Variants in LAMB1 observed in about 807,000 individuals in gnomAD.
The protein encoded by LAMB1 is laminin subunit beta-1.
LAMB1 carries 121 observed loss-of-function variants against 222.3 expected under a neutral mutation model. The ratio of observed to expected loss-of-function variants is 0.54; its 90% confidence interval spans 0.47 to 0.63. The LOEUF (loss-of-function observed/expected upper bound fraction) is 0.63. LAMB1 is among the 30% of genes least tolerant of loss of function. The probability of loss-of-function intolerance (pLI) is 0.00; values close to 1 mark genes in which losing one functional copy is unlikely to be tolerated. For synonymous variants in LAMB1, 794 were observed against 807.2 expected (o/e 0.98, Z 0.28); for missense variants, 2,172 against 2,240.8 (o/e 0.97, Z 0.62).
At chr7:107,935,795 C>T in intron 26 of LAMB1, 139 bp from the exon 27 acceptor site, 2 of 958,278 alleles carry the variant, frequency 2.1e-6, no homozygotes, top group Non-Finnish European at 3.1e-6. Flanking sequence ...TTATGAAGTA[C>T]AGTTTTCATG....
chr7:107,970,686 C>T (rs1368333417), intron 13 of LAMB1, among the ~76,000 whole-genome samples: 4 of 152,026 alleles, frequency 2.6e-5, no homozygotes, highest in African/African-American at 9.7e-5. Flanking sequence ...GGCAAAACTT[C>T]ATTAACTTGG....
intron 22 of LAMB1, 54 bp downstream of exon 22, chr7:107,953,476 G>T: frequency 7.8e-7 from 1 of 1,274,492 alleles, no homozygotes; most frequent in South Asian, 1.2e-5. Context: ...TGCTGATAAT[G>T]AAAAAAAGGT....
chr7:107,989,280 T>C (rs1013647698), intron 5 of LAMB1, among the ~76,000 whole-genome samples: 5 of 152,130 alleles, frequency 3.3e-5, no homozygotes, highest in East Asian at 1.9e-4. Flanking sequence ...TTTTGGGGAA[T>C]TGGAAGTCAG....
rs202092071 is a variant in LAMB1, at chr7:107,994,936, A to T, written c.374T>A (p.Leu125Gln). The change falls in exon 5 of 34, where the codon CTG becomes CAG. Residue 125 changes from leucine (L) to glutamine (Q), a missense_variant. Transcript: ENST00000222399. Reference protein sequence around the residue: ...ENGVENVTIQLDLEAEFHFTH... With the variant: ...ENGVENVTIQQDLEAEFHFTH... ...AAAATGGAATTCTGCTTCCAAATCC[A>T]GTTGGATAGTTACATTTTCCACACC... 1.2e-5 allele frequency: 20 copies of T among 1,600,328 alleles called. No individual in the cohort carries two copies. The highest frequency in any genetic ancestry group is 1.5e-5 in the Non-Finnish European group (18 of 1,168,158).
chr7:107,935,741 G>A, intron 26 of LAMB1, 85 bp from the exon 27 acceptor site: 1 of 1,423,050 alleles, frequency 7.0e-7, no homozygotes, highest in Non-Finnish European at 9.5e-7. Context: ...GGTGTCTTCG[G>A]GTCCTAAATT....
At chr7:107,946,552 T>C (rs1211463518) in intron 24 of LAMB1, among the ~76,000 whole-genome samples, 2 of 152,266 alleles carry the variant, frequency 1.3e-5, no homozygotes, top group African/African-American at 4.8e-5. Flanking sequence ...AAAACTTATA[T>C]TAGCTACTAT....
At position 107,935,536 on chromosome 7, in the gene LAMB1, A is replaced by ACTCT; in HGVS notation, c.4063_4066dup (p.Val1356GlufsTer25). On this transcript the variant is annotated frameshift_variant, in exon 27 of 34. Coordinates refer to ENST00000222399, the MANE Select transcript of LAMB1 (RefSeq NM_002291.3). LOFTEE classifies it high-confidence loss of function. ...TTCTCGCTCCATCATCACGTCTTCT[A>ACTCT]CTCTGTCTCTCATGAGGGCTGACTG... The ACTCT allele has an allele frequency of 1.9e-6, 3 of 1,613,174 alleles. No homozygotes were observed. The highest frequency in any genetic ancestry group is 2.5e-6 in the Non-Finnish European group (3 of 1,179,838).
At chr7:107,993,369 A>C (rs994325462) in intron 5 of LAMB1, among the ~76,000 whole-genome samples, 2 of 152,072 alleles carry the variant, frequency 1.3e-5, no homozygotes, top group African/African-American at 4.8e-5. Flanking sequence ...CCTGACCTCA[A>C]GTGATCTGCC....
rs2033262148 is a variant in LAMB1, at chr7:107,952,024, C to A, written c.3279G>T (p.Gly1093=). The A allele has an allele frequency of 6.2e-6, 10 of 1,611,182 alleles. No homozygotes were observed. Among genetic ancestry groups the A allele is most frequent in the Non-Finnish European group, 8.5e-6 (10 of 1,178,306 alleles). Residue 1093 remains glycine, a synonymous_variant, in exon 23 of 34, where the codon GGG becomes GGT. Transcript: ENST00000222399. ...AGCCCCTCACCTCATTGCAAGATGGCCCGAAGGAATGAGCAGCATTGCAGT... is the reference window on the plus strand; with the variant it reads ...AGCCCCTCACCTCATTGCAAGATGGACCGAAGGAATGAGCAGCATTGCAGT... ...PCNCNAAHSF[G]PSCNEFTGQC...
At chr7:107,930,311 G>A (rs1410109265) in intron 29 of LAMB1, among the ~76,000 whole-genome samples, 1 of 152,192 alleles carries the variant, frequency 6.6e-6, no homozygotes, top group African/African-American at 2.4e-5. Flanking sequence ...CTTTGCTTAT[G>A]TTTTAAACTA....
intron 10 of LAMB1, 46 bp from the exon 11 acceptor site, chr7:107,975,459 A>T: frequency 3.9e-6 from 6 of 1,528,254 alleles, no homozygotes; most frequent in Non-Finnish European, 4.4e-6. Context: ...AGGAAACTCA[A>T]TGTATCTTTG....
At chr7:108,003,059 G>A (rs2034422165) in intron 1 of LAMB1, 52 bp downstream of exon 1, 4 of 1,404,054 alleles carry the variant, frequency 2.8e-6, no homozygotes, top group Middle Eastern at 2.6e-4. Flanking sequence ...CACGGAAGCG[G>A]GGGGTGGGCT....
intron 31 of LAMB1, among the ~76,000 whole-genome samples, chr7:107,927,858 G>A (rs2032601347): frequency 6.6e-6 from 1 of 152,116 alleles, no homozygotes; most frequent in African/African-American, 2.4e-5. Context: ...TAGAATAGGG[G>A]AACACAGGTT....
chr7:107,963,104 G>A, intron 14 of LAMB1, 41 bp from the exon 15 acceptor site: 1 of 1,503,278 alleles, frequency 6.7e-7, no homozygotes, highest in Non-Finnish European at 9.0e-7. Context: ...TATTTGAAAT[G>A]GAATTCAATA....
chr7:107,970,505 A>AAAAGG (rs386418403), intron 13 of LAMB1, among the ~76,000 whole-genome samples: 1 of 108,792 alleles, frequency 9.2e-6, no homozygotes, highest in African/African-American at 3.8e-5. Flanking sequence ...AAAAAAAAAA[A>AAAAGG]GGGGGGGGTG....
chr7:107,986,625 A>G (rs1227901321), intron 5 of LAMB1, among the ~76,000 whole-genome samples: 1 of 152,196 alleles, frequency 6.6e-6, no homozygotes, highest in Non-Finnish European at 1.5e-5. Context: ...AGCTGATTAT[A>G]AACAGGCCTA....
At chr7:107,992,799 G>A (rs888644344) in intron 5 of LAMB1, among the ~76,000 whole-genome samples, 6 of 152,174 alleles carry the variant, frequency 3.9e-5, no homozygotes, top group African/African-American at 1.2e-4. Flanking sequence ...GGAGGCTGAG[G>A]CAGGAGAATT....
At position 107,964,651 on chromosome 7, in the gene LAMB1, A is replaced by G; in HGVS notation, c.1599T>C (p.Pro533=). The change falls in exon 14 of 34, where the codon CCT becomes CCC. Residue 533 remains proline, a synonymous_variant. Coordinates refer to ENST00000222399, the MANE Select transcript of LAMB1 (RefSeq NM_002291.3). ...CGTTGCACTGACGTCCAATCATGTG[A>G]GGCCGGCATGAGCACTGGCCTGACT... ...FAESGQCSCR[P]HMIGRQCNEV... is the part of the protein sequence containing the mutation. 6.2e-7 allele frequency: 1 copy of G among 1,614,126 alleles called. No individual in the cohort carries two copies. The highest frequency in any genetic ancestry group is 8.5e-7 in the Non-Finnish European group (1 of 1,180,012).
rs117582241 is a variant in LAMB1, at chr7:107,950,971, C to A, written c.3391+255G>T. The A allele has an allele frequency of 0.02, 7,520 of 385,182 alleles. 135 individuals carry two copies. The highest frequency in any genetic ancestry group is 0.024 in the Non-Finnish European group (4,991 of 207,812). The allele number at this position is 385,182 out of a possible 1,614,324, so 23.9% of individuals were successfully genotyped here. A position where few individuals can be genotyped will look rare whatever the true frequency, so the allele number is the denominator to read the frequency against. On this transcript the variant is annotated intron_variant, in intron 24 of 33. Transcript: ENST00000222399. ...GTGTGTGTGTGTGTGTGCTTACACA[C>A]AGAAACAAACTTTACCCCAGGGTGT... is the stretch of plus-strand genomic sequence containing the variant.
Sources: gnomAD v4.1 joint callset for allele counts (sites outside exome capture counted in the v4.1 genomes callset) on GRCh38, gnomAD v4.1.1 for gene constraint, MANE v1.5 for transcripts, NCBI Gene and HGNC (gene_info 2026-07-23, HGNC 2026-07-21) for gene names.